LAMC2: variants seen among roughly 807,000 people sequenced by gnomAD.
The protein encoded by LAMC2 is laminin subunit gamma 2.
A neutral mutation model predicts 140.2 loss-of-function variants in LAMC2; 97 were observed. The observed-to-expected ratio is 0.69, with a 90% CI of 0.59 to 0.82. The LOEUF is 0.82. Among genes scored for constraint, LAMC2 ranks in the 40% least tolerant of loss-of-function variants. The pLI, the probability that LAMC2 is intolerant of heterozygous loss-of-function variation, is 0.00. For synonymous variants in LAMC2, 513 were observed against 540.2 expected, an observed-to-expected ratio of 0.95 and a Z score of 0.70; for missense variants, 1,402 against 1,476.1, an observed-to-expected ratio of 0.95 and a Z score of 0.82.
chr1:183,210,237 G>C (rs1659030360), intron 2 of LAMC2, among the ~76,000 whole-genome samples: 1 of 152,150 alleles, frequency 6.6e-6, no homozygotes, highest in African/African-American at 2.4e-5. Context: ...TACAGTGGTG[G>C]GTTATGGAGC....
intron 1 of LAMC2, among the ~76,000 whole-genome samples, chr1:183,187,043 C>T (rs545283898): frequency 2.0e-5 from 3 of 152,284 alleles, no homozygotes; most frequent in East Asian, 1.9e-4. Flanking sequence ...ATGTGTTAGA[C>T]GTTAAGTTCA....
intron 1 of LAMC2, among the ~76,000 whole-genome samples, chr1:183,202,002 A>C (rs1658721209): frequency 6.6e-6 from 1 of 151,886 alleles, no homozygotes; most frequent in Non-Finnish European, 1.5e-5. Context: ...ACAACATGGA[A>C]CTCCCTGAAT....
intron 1 of LAMC2, among the ~76,000 whole-genome samples, chr1:183,191,087 T>C (rs1658316474): frequency 6.6e-6 from 1 of 152,242 alleles, no homozygotes; most frequent in African/African-American, 2.4e-5. Context: ...ATACATTGAT[T>C]GAGGTCATTT....
chr1:183,235,606 C>G lies in LAMC2; in HGVS notation c.2332C>G (p.Leu778Val). The G allele has an allele frequency of 3.1e-6, 5 of 1,614,218 alleles. No homozygotes were observed. The highest frequency in any genetic ancestry group is 2.2e-5 in the East Asian group (1 of 44,882). Reference protein sequence around the residue: ...HVESASNMEQLTRETEDYSKQ... With the variant: ...HVESASNMEQVTRETEDYSKQ... ...TGAGTCAGCCAGTAACATGGAGCAA[C>G]TGACAAGGGAAACTGAGGACTATTC... Residue 778 changes from leucine to valine, a missense_variant, in exon 16 of 23, where the codon CTG (leucine) becomes GTG (valine). By Grantham distance (32) the Leu-to-Val change is conservative. This residue lies in a region of LAMC2 where 670 missense variants were observed against 667.2 expected (regional missense o/e 1.00). Transcript: ENST00000264144.
intron 12 of LAMC2, 63 bp downstream of exon 12, chr1:183,231,166 G>C: frequency 6.3e-7 from 1 of 1,596,078 alleles, no homozygotes; most frequent in Non-Finnish European, 8.6e-7. Context: ...TGTCCACTGG[G>C]TGGTTCTGTC....
intron 8 of LAMC2, among the ~76,000 whole-genome samples, 191 bp from the exon 9 acceptor site, chr1:183,226,507 T>C (rs1659630083): frequency 6.6e-6 from 1 of 152,202 alleles, no homozygotes; most frequent in South Asian, 2.1e-4. Context: ...ATTTAAGCCC[T>C]GGGTTTTCTG....
At chr1:183,229,213 G>T (rs996146146) in intron 11 of LAMC2, among the ~76,000 whole-genome samples, 1 of 152,174 alleles carries the variant, frequency 6.6e-6, no homozygotes, top group African/African-American at 2.4e-5. Flanking sequence ...TCAAATCTTT[G>T]CACATGTTAT....
chr1:183,236,348 C>G, intron 16 of LAMC2, 112 bp from the exon 17 acceptor site: 1 of 993,226 alleles, frequency 1.0e-6, no homozygotes, highest in East Asian at 2.7e-5. Flanking sequence ...GTGATCACGC[C>G]ACTGCACTCC....
Position 183,215,459 on chromosome 1 carries a change from T to C in LAMC2, c.275T>C (p.Leu92Pro). 1.2e-6 allele frequency: 2 copies of C among 1,614,132 alleles called. No individual in the cohort carries two copies. Among genetic ancestry groups the C allele is most frequent in the Non-Finnish European group, 1.7e-6 (2 of 1,180,026 alleles). ...CCTACCTTGTGGGTTTCAGGTTCTC[T>C]TAGTGCTCGATGTGACAACTCCGGA... ...LPCNCNSKGSLSARCDNSGRC... is the reference protein window; with the variant it reads ...LPCNCNSKGSPSARCDNSGRC... Residue 92 changes from leucine (L) to proline (P), a missense_variant, in exon 3 of 23, where the codon CTT (leucine) becomes CCT (proline). Leu to Pro is a moderately conservative substitution (Grantham distance 98). Transcript: ENST00000264144.
chr1:183,197,879 C>T (rs1658572249), intron 1 of LAMC2, among the ~76,000 whole-genome samples: 2 of 151,510 alleles, frequency 1.3e-5, no homozygotes, highest in Admixed American at 6.6e-5. Context: ...GATTAAGGAG[C>T]CCTGAGGAGC....
rs116251022 is a variant in LAMC2 at position 183,208,229 on chromosome 1, A to G, written c.268+160A>G. ...AAGAGGGAGATGTTCAACCTCACCA[A>G]CAACTGGGAACCTACCAGACATTGG... On this transcript the variant is annotated intron_variant, in intron 2 of 22. Coordinates refer to ENST00000264144, the MANE Select transcript of LAMC2 (RefSeq NM_005562.3). Among the ~76,000 whole-genome samples, 1,200 of 152,340 alleles carry G rather than the reference A, an allele frequency of 7.9e-3. 17 individuals carry two copies. Among genetic ancestry groups the G allele is most frequent in the African/African-American group, 0.028 (1,153 of 41,572 alleles).
At position 183,244,478 on chromosome 1, in the gene LAMC2, G is replaced by T. The variant is rs1660201656; in HGVS notation, c.*1078G>T. On this transcript the variant is annotated 3_prime_UTR_variant, in exon 23 of 23. Coordinates refer to ENST00000264144, the MANE Select transcript of LAMC2 (RefSeq NM_005562.3). ...CTGTGTGCCAGGGGCTGGTGGGACAGTGGTGACATAGTCTCTGCCCTCATA... is the reference window on the plus strand; with the variant it reads ...CTGTGTGCCAGGGGCTGGTGGGACATTGGTGACATAGTCTCTGCCCTCATA... 1 of 152,468 alleles carries T rather than the reference G, an allele frequency of 6.6e-6. No individual in the cohort carries two copies. The highest frequency in any genetic ancestry group is 2.4e-5 in the African/African-American group (1 of 41,450). 9.4% of individuals were successfully genotyped at this position (152,468 alleles called of 1,614,324 possible).
At chr1:183,213,291 T>A (rs1394007529) in intron 2 of LAMC2, among the ~76,000 whole-genome samples, 1 of 152,260 alleles carries the variant, frequency 6.6e-6, no homozygotes, top group African/African-American at 2.4e-5. Context: ...GATATGTAGA[T>A]GTTCATAGAC....
chr1:183,246,827 A>G (rs139435469), downstream of LAMC2, among the ~76,000 whole-genome samples: 142 of 152,348 alleles, frequency 9.3e-4, no homozygotes, highest in African/African-American at 3.3e-3. Flanking sequence ...CCACCTGGAG[A>G]ACATAGATTA....
rs73049783 is a variant in LAMC2 at position 183,227,916 on chromosome 1, C to T, written c.1468+219C>T. Among the ~76,000 whole-genome samples the T allele has an allele frequency of 0.016, 2,441 of 152,280 alleles. 70 individuals carry two copies. The highest frequency in any genetic ancestry group is 0.056 in the African/African-American group (2,334 of 41,536). On this transcript the variant is annotated intron_variant, in intron 10 of 22. Coordinates refer to ENST00000264144, the MANE Select transcript of LAMC2 (RefSeq NM_005562.3). Reference sequence around the variant, plus strand: ...AGCAGAGTGCAATTATGGGAGAAAACACCTAAAGCTGTTTTGAGAGGTTTG... The same window carrying T: ...AGCAGAGTGCAATTATGGGAGAAAATACCTAAAGCTGTTTTGAGAGGTTTG...
chr1:183,256,330 A>G, the LAMC2 span, among the ~76,000 whole-genome samples: 1 of 152,172 alleles, frequency 6.6e-6, no homozygotes, highest in Non-Finnish European at 1.5e-5. Context: ...AATCACGTGA[A>G]CCCAGGAGGC....
At chr1:183,255,399 T>TA in the LAMC2 span, among the ~76,000 whole-genome samples, 1 of 152,198 alleles carries the variant, frequency 6.6e-6, no homozygotes, top group Non-Finnish European at 1.5e-5. Context: ...ATTCAGGGTC[T>TA]TTTGCAGTTC....
intron 7 of LAMC2, 133 bp from the exon 8 acceptor site, chr1:183,225,475 C>G (rs1051713006): frequency 3.3e-5 from 24 of 717,250 alleles, no homozygotes; most frequent in African/African-American, 1.9e-4. Flanking sequence ...AAAGGTGGCT[C>G]TCAGTCCTAT....
At position 183,228,351 on chromosome 1, in the gene LAMC2, C is replaced by G; in HGVS notation, c.1469-23C>G. ...TCCTCCTGATGGATGTCGACCTAGG[C>G]TTGGTCATTTGTTCCTTCCCAGGTG... On this transcript the variant is annotated intron_variant, in intron 10 of 22. Transcript: ENST00000264144. This position sits in a 1 kb window ranked among gnomAD's most constrained non-coding sequence, Gnocchi z 4.3. The G allele has an allele frequency of 1.9e-6, 3 of 1,614,128 alleles. No individual in the cohort carries two copies. Among genetic ancestry groups the G allele is most frequent in the Non-Finnish European group, 2.5e-6 (3 of 1,180,000 alleles).
Sources: gnomAD v4.1 joint callset for allele counts (sites outside exome capture counted in the v4.1 genomes callset) on GRCh38, gnomAD v4.1.1 for gene constraint, gnomAD v4.1.1 regional missense constraint, Gnocchi (gnomAD v3.1) non-coding constraint, MANE v1.5 for transcripts, NCBI Gene and HGNC (gene_info 2026-07-23, HGNC 2026-07-21) for gene names.